The following OAF variants were observed in gnomAD, a reference collection of about 807,000 sequenced individuals.
OAF encodes the protein out at first protein homolog.
OAF carries 13 observed loss-of-function variants against 22.5 expected under a neutral mutation model. The observed-to-expected ratio is 0.58, with a 90% CI of 0.38 to 0.92. OAF has a LOEUF of 0.92. Ranked by LOEUF, OAF falls within the 40% of genes least tolerant of loss-of-function variation. The pLI is 0.00. For synonymous variants in OAF, 175 were observed against 170.5 expected (o/e 1.03, Z -0.21); for missense variants, 347 against 381.8 (o/e 0.91, Z 0.76).
chr11:120,216,202 G>C (rs1224226729), intron 1 of OAF, among the ~76,000 whole-genome samples: 5 of 152,132 alleles, frequency 3.3e-5, no homozygotes, highest in Non-Finnish European at 1.5e-5. Context: ...GTGGGTGGGG[G>C]AGCAACATGG....
intron 3 of OAF, among the ~76,000 whole-genome samples, chr11:120,228,535 T>C (rs796581921): frequency 7.2e-5 from 11 of 152,328 alleles, no homozygotes; most frequent in African/African-American, 2.4e-4. Context: ...CATTAAACTC[T>C]GGGTCGATGT....
chr11:120,229,373 AGGGAG>A lies in OAF; in HGVS notation c.*232_*236del. 1 of 545,352 alleles carries A rather than the reference AGGGAG, an allele frequency of 1.8e-6. No individual in the cohort carries two copies. The allele number at this position is 545,352 out of a possible 1,614,324, so 33.8% of individuals were successfully genotyped here. The stretch of plus-strand genomic sequence containing the variant: ...CCCTGTGCCTTCCTTGCGGGCAGAG[AGGGAG>A]AGAAGGGCTCCCCAGATCTACACCC... On this transcript the variant is annotated 3_prime_UTR_variant, in exon 4 of 4. Coordinates refer to ENST00000328965, the MANE Select transcript of OAF (RefSeq NM_178507.4).
chr11:120,212,490 C>T (rs1211240501), intron 1 of OAF, among the ~76,000 whole-genome samples: 1 of 151,932 alleles, frequency 6.6e-6, no homozygotes, highest in Non-Finnish European at 1.5e-5. Flanking sequence ...TCAAAAGGAG[C>T]GTTCTGTCTC....
intron 2 of OAF, 141 bp downstream of exon 2, chr11:120,225,936 C>A: frequency 1.5e-6 from 1 of 680,220 alleles, no homozygotes. Context: ...TCTGATTCCC[C>A]AACCTTAGCC....
chr11:120,215,752 T>C (rs1370770953), intron 1 of OAF, among the ~76,000 whole-genome samples: 1 of 152,160 alleles, frequency 6.6e-6, no homozygotes, highest in African/African-American at 2.4e-5. Context: ...CTTGCCAGTT[T>C]CTCTTTCACC....
At chr11:120,220,652 G>A (rs985524140) in intron 1 of OAF, among the ~76,000 whole-genome samples, 17 of 152,292 alleles carry the variant, frequency 1.1e-4, no homozygotes, top group African/African-American at 3.6e-4. Flanking sequence ...AGTCAGAGGA[G>A]GGTCGTTTGT....
intron 3 of OAF, 44 bp from the exon 4 acceptor site, chr11:120,228,824 C>G: frequency 1.9e-6 from 1 of 519,062 alleles, no homozygotes. Context: ...AGCTCCTTCC[C>G]TCCCTCCCTC....
intron 1 of OAF, among the ~76,000 whole-genome samples, chr11:120,212,339 G>A (rs1170773938): frequency 6.6e-6 from 1 of 152,054 alleles, no homozygotes; most frequent in African/African-American, 2.4e-5. Context: ...GTGTGTGTGT[G>A]TCTGTGTTGG....
At chr11:120,212,890 GC>G (rs1246868952) in intron 1 of OAF, among the ~76,000 whole-genome samples, 1 of 148,712 alleles carries the variant, frequency 6.7e-6, no homozygotes, top group Non-Finnish European at 1.5e-5. Flanking sequence ...TACTCCGCAG[GC>G]CTAAGCTAGG....
intron 3 of OAF, among the ~76,000 whole-genome samples, chr11:120,227,861 C>G (rs1169552513): frequency 6.6e-6 from 1 of 152,144 alleles, no homozygotes; most frequent in Non-Finnish European, 1.5e-5. Flanking sequence ...CACCCTCCCC[C>G]ATGGCCTGCA....
intron 1 of OAF, among the ~76,000 whole-genome samples, chr11:120,219,492 G>A (rs184419426): frequency 1.3e-5 from 2 of 152,250 alleles, no homozygotes; most frequent in African/African-American, 4.8e-5. Flanking sequence ...CTATCCCCTG[G>A]GATCCAGGGG....
At position 120,211,260 on chromosome 11, in the gene OAF, G is replaced by T. The variant is rs1938139033; in HGVS notation, c.-20G>T. 4.2e-6 allele frequency: 5 copies of T among 1,192,024 alleles called. No homozygotes were observed. Among genetic ancestry groups the T allele is most frequent in the Non-Finnish European group, 5.2e-6 (5 of 962,234 alleles). The allele number at this position is 1,192,024 out of a possible 1,614,324, so 73.8% of individuals were successfully genotyped here. On this transcript the variant is annotated 5_prime_UTR_variant, in exon 1 of 4. Transcript: ENST00000328965. Reference sequence around the variant, plus strand: ...CCCCACGCGGCGCGCCGGGGCCGCGGACGGCAGCGGCCCCCGGGGATGCGC... The same window carrying T: ...CCCCACGCGGCGCGCCGGGGCCGCGTACGGCAGCGGCCCCCGGGGATGCGC...
rs1483042033 is a variant in OAF, at chr11:120,211,193, A to G, written c.-87A>G. 1 of 857,108 alleles carries G rather than the reference A, an allele frequency of 1.2e-6. No individual in the cohort carries two copies. The highest frequency in any genetic ancestry group is 1.5e-6 in the Non-Finnish European group (1 of 670,874). The allele number at this position is 857,108 out of a possible 1,614,324, so 53.1% of individuals were successfully genotyped here. The stretch of plus-strand genomic sequence containing the variant: ...GAGCGGCTCCCGGGCGCCCCGAACT[A>G]GCCCCCAACTTTGGGCGAAGTTTGC... On this transcript the variant is annotated 5_prime_UTR_variant, in exon 1 of 4. Coordinates refer to ENST00000328965, the MANE Select transcript of OAF (RefSeq NM_178507.4).
In OAF at chr11:120,220,685, C is replaced by G. The variant is rs114511292; in HGVS notation, c.232-4976C>G. Among the ~76,000 whole-genome samples the G allele has an allele frequency of 2.1e-3, 322 of 152,296 alleles. 1 individual carries two copies. The highest frequency in any genetic ancestry group is 7.2e-3 in the African/African-American group (299 of 41,570). On this transcript the variant is annotated intron_variant, in intron 1 of 3. Transcript: ENST00000328965. ...TGTGAGCTGTGCCCTGCACACAAGG[C>G]ACAGCTGAGACAGCTGAGCACAGGG... is the stretch of plus-strand genomic sequence containing the variant.
rs1938413171 is a variant in OAF at position 120,229,732 on chromosome 11, A to G, written c.*590A>G. ...GGCGAGTGGAGACCTCCCATCACTG[A>G]GACAGATCACAGACCACGAGTGCCT... On this transcript the variant is annotated 3_prime_UTR_variant, in exon 4 of 4. Coordinates refer to ENST00000328965, the MANE Select transcript of OAF (RefSeq NM_178507.4). 1 of 153,570 alleles carries G rather than the reference A, an allele frequency of 6.5e-6. No individual in the cohort carries two copies. The highest frequency in any genetic ancestry group is 2.4e-5 in the African/African-American group (1 of 41,426). The allele number at this position is 153,570 out of a possible 1,614,324, so 9.5% of individuals were successfully genotyped here. A position where few individuals can be genotyped will look rare whatever the true frequency, so the allele number is the denominator to read the frequency against.
Position 120,227,002 on chromosome 11 carries a change from C to G in OAF, c.547+6C>G. ...CCGGTTCTGGCTGGAGCAAGGTCAG[C>G]TGGGAGCTGGGCACTGCCCGCTGCT... is the stretch of plus-strand genomic sequence containing the variant. On this transcript the variant is annotated splice_donor_region_variant and intron_variant, in intron 3 of 3. Transcript: ENST00000328965. 6.3e-7 allele frequency: 1 copy of G among 1,587,140 alleles called. No homozygotes were observed. Among genetic ancestry groups the G allele is most frequent in the Non-Finnish European group, 8.6e-7 (1 of 1,159,776 alleles).
chr11:120,225,275 A>G (rs982683961), intron 1 of OAF, among the ~76,000 whole-genome samples: 5 of 139,782 alleles, frequency 3.6e-5, no homozygotes, highest in Admixed American at 2.8e-4. Context: ...AACTACAAAG[A>G]AAAAAAAAAA....
In OAF at chr11:120,229,251, C is replaced by G; in HGVS notation, c.*109C>G. The G allele has an allele frequency of 9.8e-7, 1 of 1,021,520 alleles. No homozygotes were observed. Among genetic ancestry groups the G allele is most frequent in the Non-Finnish European group, 1.4e-6 (1 of 694,970 alleles). The allele number at this position is 1,021,520 out of a possible 1,614,324, so 63.3% of individuals were successfully genotyped here. A position where few individuals can be genotyped will look rare whatever the true frequency, so the allele number is the denominator to read the frequency against. On this transcript the variant is annotated 3_prime_UTR_variant, in exon 4 of 4. Transcript: ENST00000328965. ...CCTTATTTCCCTCCCTCCCCACTCC[C>G]CTGGCCCTAGAGCCTGGGCCCCTCT... is the stretch of plus-strand genomic sequence containing the variant.
chr11:120,221,085 A>G lies in OAF; in HGVS notation c.232-4576A>G, dbSNP rs1380187643. ...CATGCCACCCCCAGCCCCAACCTTA[A>G]GGGGACAACGAGCACTCCCTCATCC... On this transcript the variant is annotated intron_variant, in intron 1 of 3. Coordinates refer to ENST00000328965, the MANE Select transcript of OAF (RefSeq NM_178507.4). Among the ~76,000 whole-genome samples, 3 of 152,148 alleles carry G rather than the reference A, an allele frequency of 2.0e-5. No individual in the cohort carries two copies. In the East Asian group the frequency reaches 5.8e-4, roughly 29 times the overall value.
Sources: gnomAD v4.1 joint callset for allele counts (sites outside exome capture counted in the v4.1 genomes callset) on GRCh38, gnomAD v4.1.1 for gene constraint, MANE v1.5 for transcripts, NCBI Gene and HGNC (gene_info 2026-07-23, HGNC 2026-07-21) for gene names.